The following DTX1 variants were observed in gnomAD, a reference collection of about 807,000 sequenced individuals.
DTX1 encodes E3 ubiquitin-protein ligase DTX1.
Under a neutral mutation model 57.8 loss-of-function variants are expected in DTX1, and 26 were observed. The observed-to-expected ratio is 0.45, with a 90% CI of 0.33 to 0.62. DTX1 has a LOEUF of 0.62. Ranked by LOEUF, DTX1 falls within the 20% of genes least tolerant of loss-of-function variation. The pLI, the probability that DTX1 is intolerant of heterozygous loss-of-function variation, is 0.02. For synonymous variants in DTX1, 398 were observed against 394.1 expected (o/e 1.01, Z -0.12); for missense variants, 704 against 895.3 (o/e 0.79, Z 2.73).
Position 113,097,546 on chromosome 12 carries a change from A to T in DTX1, c.*607A>T, listed in dbSNP as rs1950320834. The T allele has an allele frequency of 1.4e-4, 1 of 7,086 alleles. No homozygotes were observed. The highest frequency in any genetic ancestry group is 2.9e-4 in the Non-Finnish European group (1 of 3,408). 0.4% of individuals were successfully genotyped at this position (7,086 alleles called of 1,614,324 possible). On this transcript the variant is annotated 3_prime_UTR_variant, in exon 10 of 10. Transcript: ENST00000548759. ...AGATGACTGAGCAGTTCTACAAAAG[A>T]ATGGCCAGCACGAGCGGGGACTAGA...
chr12:113,090,486 A>T (rs1950240570), intron 3 of DTX1, among the ~76,000 whole-genome samples: 1 of 152,176 alleles, frequency 6.6e-6, no homozygotes, highest in Admixed American at 6.5e-5. Flanking sequence ...TACATGTTTT[A>T]GCACATTTAA....
chr12:113,089,100 T>C (rs942847917), intron 3 of DTX1, among the ~76,000 whole-genome samples: 5 of 152,092 alleles, frequency 3.3e-5, no homozygotes, highest in African/African-American at 1.2e-4. Context: ...TGAGGGAGTG[T>C]GCCATGAGGA....
rs145607011 is a variant in DTX1, at chr12:113,058,592, G to A, written c.259+141G>A. 2.5e-4 allele frequency: 354 copies of A among 1,391,264 alleles called. 2 individuals carry two copies. The East Asian group carries it at 5.1e-3, about 20-fold the overall frequency. The allele number at this position is 1,391,264 out of a possible 1,614,324, so 86.2% of individuals were successfully genotyped here. The stretch of plus-strand genomic sequence containing the variant: ...GCCTCACCTCCAGAAAAACAGGGCA[G>A]TCTAACCTTGTCCAGTTTAAGACTT... On this transcript the variant is annotated intron_variant, in intron 2 of 9. Coordinates refer to ENST00000548759, the MANE Select transcript of DTX1 (RefSeq NM_004416.3).
chr12:113,093,567 C>T lies in DTX1; in HGVS notation c.1032C>T (p.Ala344=), dbSNP rs779768333. Residue 344 remains alanine, a synonymous_variant, in exon 5 of 10, where the codon GCC becomes GCT. Transcript: ENST00000548759. The surrounding 1 kb of genome is among the most constrained non-coding windows in gnomAD (Gnocchi z 4.2). ...TGACCGGGATACTGCTGTGCGCGGC[C>T]GGGCTGCCCGTGTGCCTGACGCGGG... ...AGMTGILLCA[A]GLPVCLTRAP... 1 of 1,609,778 alleles carries T rather than the reference C, an allele frequency of 6.2e-7. No homozygotes were observed. The highest frequency in any genetic ancestry group is 8.5e-7 in the Non-Finnish European group (1 of 1,178,276).
At chr12:113,072,691 A>ATTTTTTT (rs2044744388) in intron 2 of DTX1, among the ~76,000 whole-genome samples, 1 of 95,570 alleles carries the variant, frequency 1.0e-5, no homozygotes, top group African/African-American at 3.9e-5. Flanking sequence ...GACCTGAGAG[A>ATTTTTTT]TTTTCTTTTT....
chr12:113,060,051 T>A (rs1352095039), intron 2 of DTX1, among the ~76,000 whole-genome samples: 2 of 152,102 alleles, frequency 1.3e-5, no homozygotes, highest in Non-Finnish European at 2.9e-5. Context: ...TTTCCAATAG[T>A]CCGGAACATT....
At position 113,077,341 on chromosome 12, in the gene DTX1, C is replaced by T. The variant is rs1194845341; in HGVS notation, c.260-83C>T. ...TGCTGACCCCCCAACCTCCCGCCCACCCTTGCCTGGCTGTGGCCCGCCCTT... is the reference window on the plus strand; with the variant it reads ...TGCTGACCCCCCAACCTCCCGCCCATCCTTGCCTGGCTGTGGCCCGCCCTT... On this transcript the variant is annotated intron_variant, in intron 2 of 9. Transcript: ENST00000548759. The surrounding 1 kb of genome is among the most constrained non-coding windows in gnomAD (Gnocchi z 7.8). 26 of 1,469,588 alleles carry T rather than the reference C, an allele frequency of 1.8e-5. No homozygotes were observed. The highest frequency in any genetic ancestry group is 2.3e-5 in the Non-Finnish European group (26 of 1,106,612). The allele number at this position is 1,469,588 out of a possible 1,614,324, so 91.0% of individuals were successfully genotyped here. A position where few individuals can be genotyped will look rare whatever the true frequency, so the allele number is the denominator to read the frequency against.
chr12:113,058,894 T>C (rs1322595465), intron 2 of DTX1, among the ~76,000 whole-genome samples: 1 of 152,210 alleles, frequency 6.6e-6, no homozygotes, highest in Non-Finnish European at 1.5e-5. Context: ...TCCCATTTTA[T>C]AGATGAAGAA....
chr12:113,081,946 A>G (rs1008829047), intron 3 of DTX1, among the ~76,000 whole-genome samples: 2 of 152,080 alleles, frequency 1.3e-5, no homozygotes, highest in African/African-American at 4.8e-5. Context: ...TGGTGCTGCC[A>G]TCAGTGGGGA....
chr12:113,070,321 C>G (rs1823471525), intron 2 of DTX1, among the ~76,000 whole-genome samples: 1 of 152,208 alleles, frequency 6.6e-6, no homozygotes, highest in South Asian at 2.1e-4. Context: ...CCCCCGGTCA[C>G]AGGCCTCAGC....
chr12:113,084,632 G>A (rs546789067), intron 3 of DTX1, among the ~76,000 whole-genome samples: 2 of 152,236 alleles, frequency 1.3e-5, no homozygotes, highest in South Asian at 2.1e-4. Flanking sequence ...TGATCCTCTC[G>A]CCTTGGCCTC....
chr12:113,078,249 AT>A, intron 3 of DTX1, 144 bp downstream of exon 3: 1 of 736,708 alleles, frequency 1.4e-6, no homozygotes, highest in Non-Finnish European at 1.8e-6. Context: ...CTAAATGTTC[AT>A]TTTGTGCCAA....
At chr12:113,071,473 C>G (rs2044737673) in intron 2 of DTX1, among the ~76,000 whole-genome samples, 1 of 152,256 alleles carries the variant, frequency 6.6e-6, no homozygotes, top group African/African-American at 2.4e-5. Flanking sequence ...CCCCTAACTG[C>G]CTGGGGGACG....
rs1175126106 is a variant in DTX1, at chr12:113,094,032, C to A, written c.1166-6C>A. 6.4e-7 allele frequency: 1 copy of A among 1,572,012 alleles called. No individual in the cohort carries two copies. Among genetic ancestry groups the A allele is most frequent in the East Asian group, 2.3e-5 (1 of 43,638 alleles). On this transcript the variant is annotated splice_region_variant and splice_polypyrimidine_tract_variant and intron_variant, in intron 5 of 9. Transcript: ENST00000548759. Reference sequence around the variant, plus strand: ...CCCTCAAACCCACCCCGCTGTGTCCCTGCAGGTAAGAATCCCGAGGATGTG... The same window carrying A: ...CCCTCAAACCCACCCCGCTGTGTCCATGCAGGTAAGAATCCCGAGGATGTG...
intron 2 of DTX1, among the ~76,000 whole-genome samples, chr12:113,069,830 G>A (rs1206838520): frequency 6.6e-6 from 1 of 152,206 alleles, no homozygotes; most frequent in East Asian, 1.9e-4. Context: ...ATTCGGTAAG[G>A]TGTTGGGTGC....
intron 2 of DTX1, among the ~76,000 whole-genome samples, chr12:113,059,053 T>C (rs1000390669): frequency 4.0e-5 from 6 of 151,478 alleles, no homozygotes; most frequent in Admixed American, 3.3e-4. Context: ...TGGTAATTAA[T>C]TGGGGATGGG....
chr12:113,096,030 AC>A (rs1480084914), intron 9 of DTX1, among the ~76,000 whole-genome samples: 3 of 152,092 alleles, frequency 2.0e-5, no homozygotes, highest in Non-Finnish European at 4.4e-5. Flanking sequence ...ACATGGTGAA[AC>A]CCCGTCTCTA....
In DTX1 at chr12:113,077,443, G is replaced by T; in HGVS notation, c.279G>T (p.Arg93=). The change falls in exon 3 of 10, where the codon CGG becomes CGT. Residue 93 remains arginine (R), a synonymous_variant. Coordinates refer to ENST00000548759, the MANE Select transcript of DTX1 (RefSeq NM_004416.3). The surrounding 1 kb of genome is among the most constrained non-coding windows in gnomAD (Gnocchi z 7.8). ...GTACAGGCACCATGCGGCCCGTGCG[G>T]CGCAACTTCTACGACCCGTCGTCGG... ...RQDTGTMRPV[R]RNFYDPSSAP... The T allele has an allele frequency of 6.2e-7, 1 of 1,609,326 alleles. No individual in the cohort carries two copies.
chr12:113,070,554 C>G (rs927515569), intron 2 of DTX1, among the ~76,000 whole-genome samples: 1 of 152,238 alleles, frequency 6.6e-6, no homozygotes, highest in African/African-American at 2.4e-5. Flanking sequence ...GCTCAGAACC[C>G]TCCCCCTTCT....
Sources: allele counts gnomAD v4.1 joint callset (sites outside exome capture counted in the v4.1 genomes callset), GRCh38; gene constraint gnomAD v4.1.1; non-coding constraint Gnocchi (gnomAD v3.1); transcripts MANE v1.5; gene names NCBI Gene and HGNC (gene_info 2026-07-23, HGNC 2026-07-21).